The following TMEM59 variants were observed in gnomAD, a reference collection of about 807,000 sequenced individuals.
The protein encoded by TMEM59 is transmembrane protein 59.
In TMEM59, 44 loss-of-function variants were observed where a neutral mutation model predicts 42.2. The observed-to-expected ratio is 1.04, with a 90% CI of 0.82 to 1.34. The LOEUF (loss-of-function observed/expected upper bound fraction) is 1.34. TMEM59 is among the 40% of genes most tolerant of loss of function. TMEM59 has a pLI of 0.00. For synonymous variants in TMEM59, 148 were observed against 145.8 expected (o/e 1.02, Z -0.11); for missense variants, 359 against 382.8 (o/e 0.94, Z 0.52).
At chr1:54,035,751 C>A (rs1428139678) in intron 7 of TMEM59, among the ~76,000 whole-genome samples, 1 of 152,004 alleles carries the variant, frequency 6.6e-6, no homozygotes, top group Non-Finnish European at 1.5e-5. Context: ...TAGCTGGGAT[C>A]ACGGGCACGC....
At position 54,032,230 on chromosome 1, in the gene TMEM59, C is replaced by A. The variant is rs1225571948; in HGVS notation, c.892G>T (p.Val298Phe). 9 of 1,613,288 alleles carry A rather than the reference C, an allele frequency of 5.6e-6. No homozygotes were observed. The highest frequency in any genetic ancestry group is 7.6e-6 in the Non-Finnish European group (9 of 1,179,626). Reference protein sequence around the residue: ...LNRYPASSLVVVRSKTEDHEE... With the variant: ...LNRYPASSLVFVRSKTEDHEE... Reference sequence around the variant, plus strand: ...TGATCTTCAGTTTTAGATCTAACAACCACAAGAGAAGAAGCTGGATATCTG... The same window carrying A: ...TGATCTTCAGTTTTAGATCTAACAAACACAAGAGAAGAAGCTGGATATCTG... Residue 298 changes from valine to phenylalanine, a missense_variant, in exon 8 of 8, where the codon GTT (valine) becomes TTT (phenylalanine). Transcript: ENST00000234831.
intron 6 of TMEM59, among the ~76,000 whole-genome samples, chr1:54,038,258 A>G: frequency 6.6e-6 from 1 of 152,346 alleles, no homozygotes; most frequent in Admixed American, 6.5e-5. Flanking sequence ...ATCTGAAAAA[A>G]AAATTTTAAG....
At chr1:54,043,076 T>C (rs944032212) in intron 4 of TMEM59, among the ~76,000 whole-genome samples, 8 of 152,322 alleles carry the variant, frequency 5.3e-5, no homozygotes, top group African/African-American at 1.7e-4. Context: ...GTATATTAAT[T>C]ATTGTCTCTC....
chr1:54,037,384 A>C (rs1240813877), intron 6 of TMEM59, among the ~76,000 whole-genome samples: 1 of 152,170 alleles, frequency 6.6e-6, no homozygotes, highest in Non-Finnish European at 1.5e-5. Context: ...TTTTTTATTT[A>C]TTTTTATTTA....
intron 7 of TMEM59, among the ~76,000 whole-genome samples, chr1:54,035,271 T>C (rs1656906765): frequency 1.3e-5 from 2 of 152,212 alleles, no homozygotes; most frequent in Admixed American, 1.3e-4. Flanking sequence ...TCAGGCACCA[T>C]GTTAGGCACA....
intron 6 of TMEM59, among the ~76,000 whole-genome samples, chr1:54,039,236 A>G (rs1183302701): frequency 3.9e-5 from 6 of 152,238 alleles, no homozygotes; most frequent in African/African-American, 1.4e-4. Flanking sequence ...CTATAAATAC[A>G]TTATAAAGTT....
chr1:54,039,294 C>T, intron 6 of TMEM59, among the ~76,000 whole-genome samples: 1 of 152,040 alleles, frequency 6.6e-6, no homozygotes, highest in African/African-American at 2.4e-5. Flanking sequence ...AAAAAAACAA[C>T]ATAACATATA....
Position 54,040,755 on chromosome 1 carries a change from CAG to C in TMEM59, c.706_707del (p.Leu236Ter). 4 of 1,610,762 alleles carry C rather than the reference CAG, an allele frequency of 2.5e-6. No individual in the cohort carries two copies. Among genetic ancestry groups the C allele is most frequent in the African/African-American group, 1.3e-5 (1 of 74,970 alleles). The part of the protein sequence containing the change: ...ESDGFLRCLS[L>X]NSGWILTTTL... ...TACACATAATAAAGAGGAATACATA[CAG>C]AGAGAGGCATCTTAAAAAGCCATCA... is the stretch of plus-strand genomic sequence containing the variant. On this transcript the variant is annotated frameshift_variant and splice_region_variant, in exon 6 of 8. Transcript: ENST00000234831. LOFTEE classifies it high-confidence loss of function.
At chr1:54,053,233 C>A (rs762111650), upstream of TMEM59, 2 of 1,601,832 alleles carry the variant, frequency 1.2e-6, no homozygotes, top group Admixed American at 3.4e-5. Context: ...GCTGTTTTCT[C>A]GGAAGGGTTT....
At chr1:54,035,099 TATAA>T (rs1475240643) in intron 7 of TMEM59, among the ~76,000 whole-genome samples, 1 of 152,222 alleles carries the variant, frequency 6.6e-6, no homozygotes, top group Non-Finnish European at 1.5e-5. Flanking sequence ...TTAACGACTA[TATAA>T]ATGTTAGTTA....
chr1:54,053,446 TC>T (rs766000852), upstream of TMEM59: 390 of 506,160 alleles, frequency 7.7e-4, 1 homozygote, highest in Non-Finnish European at 1.2e-3. Flanking sequence ...CCTCCTGACT[TC>T]TTCCCTTCGC....
chr1:54,047,397 G>A, intron 1 of TMEM59, 25 bp from the exon 2 acceptor site: 1 of 1,583,918 alleles, frequency 6.3e-7, no homozygotes, highest in Non-Finnish European at 8.6e-7. Flanking sequence ...AACAGGAAGG[G>A]TTACCAAAAA....
chr1:54,043,630 A>G, intron 3 of TMEM59, 105 bp from the exon 4 acceptor site: 4 of 641,008 alleles, frequency 6.2e-6, no homozygotes, highest in Non-Finnish European at 8.8e-6. Context: ...CAGGATACAA[A>G]CAATTAAATA....
intron 1 of TMEM59, among the ~76,000 whole-genome samples, chr1:54,050,684 G>C (rs1657504395): frequency 1.3e-5 from 2 of 151,396 alleles, no homozygotes; most frequent in Admixed American, 1.3e-4. Context: ...TCAGCCTCCT[G>C]AGTAGCTGGG....
At position 54,043,505 on chromosome 1, in the gene TMEM59, T is replaced by C; in HGVS notation, c.411A>G (p.Lys137=). The C allele has an allele frequency of 1.3e-6, 2 of 1,516,268 alleles. No homozygotes were observed. Among genetic ancestry groups the C allele is most frequent in the Non-Finnish European group, 1.8e-6 (2 of 1,132,318 alleles). 93.9% of individuals were successfully genotyped at this position (1,516,268 alleles called of 1,614,324 possible). Residue 137 remains lysine (K), a synonymous_variant, in exon 4 of 8, where the codon AAA becomes AAG. Coordinates refer to ENST00000234831, the MANE Select transcript of TMEM59 (RefSeq NM_004872.5). The part of the protein sequence containing the change: ...RQEQLMSLMP[K]MHLLFPLTLV... ...GAGTTAGAGGAAAGAGTAGGTGCAT[T>C]TTTGGCATCAGGGACATAAGCTAAA...
chr1:54,039,675 T>C (rs1473870782), intron 6 of TMEM59, among the ~76,000 whole-genome samples: 2 of 152,226 alleles, frequency 1.3e-5, no homozygotes, highest in South Asian at 2.1e-4. Context: ...AGTTTTATAC[T>C]TGAGATAGAA....
intron 4 of TMEM59, among the ~76,000 whole-genome samples, chr1:54,043,117 C>T (rs527657418): frequency 1.3e-5 from 2 of 152,010 alleles, no homozygotes; most frequent in East Asian, 3.9e-4. Context: ...ATCAATTTAA[C>T]CACCATAAAA....
At chr1:54,035,611 T>C (rs1484676403) in intron 7 of TMEM59, among the ~76,000 whole-genome samples, 1 of 131,808 alleles carries the variant, frequency 7.6e-6, no homozygotes, top group Non-Finnish European at 1.5e-5. Context: ...CACTCCAGCA[T>C]TTTTTTTTCT....
chr1:54,041,598 T>G, intron 5 of TMEM59, 126 bp downstream of exon 5: 1 of 720,018 alleles, frequency 1.4e-6, no homozygotes, highest in Non-Finnish European at 2.3e-6. Flanking sequence ...CATGAAAGTT[T>G]GAGAACCACT....
Sources: allele counts gnomAD v4.1 joint callset (sites outside exome capture counted in the v4.1 genomes callset), GRCh38; gene constraint gnomAD v4.1.1; transcripts MANE v1.5; gene names NCBI Gene and HGNC (gene_info 2026-07-23, HGNC 2026-07-21).